The following EIF2B1 variants were observed in gnomAD, a reference collection of about 807,000 sequenced individuals.
EIF2B1 encodes translation initiation factor eIF2B subunit alpha.
A neutral mutation model predicts 36.8 loss-of-function variants in EIF2B1; 30 were observed. That is an observed-to-expected ratio of 0.81 (90% CI 0.61 to 1.10). EIF2B1 has a LOEUF of 1.10. EIF2B1 is among the 50% of genes least tolerant of loss of function. The probability of loss-of-function intolerance (pLI) is 0.00; values close to 1 mark genes in which losing one functional copy is unlikely to be tolerated. For synonymous variants in EIF2B1, 139 were observed against 142.2 expected, an observed-to-expected ratio of 0.98 and a Z score of 0.16; for missense variants, 271 against 374.8, an observed-to-expected ratio of 0.72 and a Z score of 2.29.
chr12:123,623,751 G>A (rs867244679), intron 7 of EIF2B1, among the ~76,000 whole-genome samples: 8 of 152,214 alleles, frequency 5.3e-5, no homozygotes, highest in Middle Eastern at 3.4e-3. Context: ...TGGGATTATA[G>A]GCGTGAGCTA....
chr12:123,626,383 G>C (rs760785053), intron 6 of EIF2B1, 42 bp downstream of exon 6: 1 of 1,612,098 alleles, frequency 6.2e-7, no homozygotes, highest in Non-Finnish European at 8.5e-7. Flanking sequence ...AGCCAGCATG[G>C]GGTGGGGGAG....
At chr12:123,625,328 C>T (rs998855443) in intron 6 of EIF2B1, among the ~76,000 whole-genome samples, 7 of 151,952 alleles carry the variant, frequency 4.6e-5, no homozygotes, top group Non-Finnish European at 7.4e-5. Flanking sequence ...TGATCTCAGC[C>T]CAAACCTCTA....
Position 123,624,873 on chromosome 12 carries a change from A to G in EIF2B1, c.552-11T>C. On this transcript the variant is annotated splice_polypyrimidine_tract_variant and intron_variant, in intron 6 of 8. Transcript: ENST00000424014. ...TTCTCCATGATGTAGCTAAGGGGAAAAAAAGCTTTTCATGCTTTATTTTCT... is the reference window on the plus strand; with the variant it reads ...TTCTCCATGATGTAGCTAAGGGGAAGAAAAGCTTTTCATGCTTTATTTTCT... 1 of 1,613,478 alleles carries G rather than the reference A, an allele frequency of 6.2e-7. No individual in the cohort carries two copies.
intron 4 of EIF2B1, 39 bp from the exon 5 acceptor site, chr12:123,627,195 T>A (rs759473946): frequency 6.5e-7 from 1 of 1,542,736 alleles, no homozygotes; most frequent in Admixed American, 1.7e-5. Flanking sequence ...GGCAGGCTCC[T>A]TGCTGCTCAC....
At chr12:123,631,806 CA>C (rs36090968) in intron 2 of EIF2B1, among the ~76,000 whole-genome samples, 65,279 of 128,166 alleles carry the variant, frequency 0.51, 15,806 homozygotes, top group African/African-American at 0.67. Context: ...GACTCCGTCT[CA>C]AAAAAAAAAA....
At position 123,622,483 on chromosome 12, in the gene EIF2B1, G is replaced by T. The variant is rs1593777281; in HGVS notation, c.753+153C>A. 20 of 1,083,620 alleles carry T rather than the reference G, an allele frequency of 1.8e-5. No homozygotes were observed. In the East Asian group the frequency reaches 5.2e-4, roughly 28 times the overall value. The allele number at this position is 1,083,620 out of a possible 1,614,324, so 67.1% of individuals were successfully genotyped here. A position where few individuals can be genotyped will look rare whatever the true frequency, so the allele number is the denominator to read the frequency against. On this transcript the variant is annotated intron_variant, in intron 8 of 8. Coordinates refer to ENST00000424014, the MANE Select transcript of EIF2B1 (RefSeq NM_001414.4). Reference sequence around the variant, plus strand: ...AAAGACTGAAGTTCTAGGGACAAATGTGTGAGTCCAATCACCAATTTATCT... The same window carrying T: ...AAAGACTGAAGTTCTAGGGACAAATTTGTGAGTCCAATCACCAATTTATCT...
At chr12:123,629,961 C>A in intron 4 of EIF2B1, 2 of 629,618 alleles carry the variant, frequency 3.2e-6, no homozygotes, top group Non-Finnish European at 5.7e-6. Context: ...TTGCCCCTTA[C>A]ATGTCTTGCC....
In EIF2B1 at chr12:123,621,271, T is replaced by C; in HGVS notation, c.*485A>G. ...TTTGGCTTGATCCTGCTGAGGAATG[T>C]GCTTACCACTGGAAGCCAGATGCAG... On this transcript the variant is annotated 3_prime_UTR_variant, in exon 9 of 9. Transcript: ENST00000424014. The C allele has an allele frequency of 4.0e-6, 1 of 249,102 alleles. No homozygotes were observed. Among genetic ancestry groups the C allele is most frequent in the South Asian group, 5.0e-5 (1 of 19,930 alleles). The allele number at this position is 249,102 out of a possible 1,614,324, so 15.4% of individuals were successfully genotyped here.
chr12:123,629,548 C>T (rs978140749), intron 4 of EIF2B1, among the ~76,000 whole-genome samples: 1 of 152,190 alleles, frequency 6.6e-6, no homozygotes, highest in Non-Finnish European at 1.5e-5. Context: ...AATCCCAGCA[C>T]TTTGGGAGGC....
chr12:123,621,984 GGT>G, intron 8 of EIF2B1, 64 bp from the exon 9 acceptor site: 1 of 1,591,840 alleles, frequency 6.3e-7, no homozygotes, highest in Non-Finnish European at 8.6e-7. Flanking sequence ...GTAGGGCCTT[GGT>G]GTGAGTGATC....
intron 7 of EIF2B1, among the ~76,000 whole-genome samples, chr12:123,622,998 T>G (rs1289174689): frequency 1.3e-5 from 2 of 152,114 alleles, no homozygotes; most frequent in Non-Finnish European, 2.9e-5. Context: ...GTATATAATA[T>G]AGATATACAT....
rs68169681 is a variant in EIF2B1 at position 123,620,580 on chromosome 12, TTATATATATATATATATATATA to T, written c.*1154_*1175del. ...GGTCACATATAGACATATGTACATA[TTATATATATATATATATATATA>T]TATATATATATATATATATATATAT... is the stretch of plus-strand genomic sequence containing the variant. On this transcript the variant is annotated 3_prime_UTR_variant, in exon 9 of 9. Transcript: ENST00000424014. 9.3e-4 allele frequency: 61 copies of T among 65,360 alleles called. No individual in the cohort carries two copies. The highest frequency in any genetic ancestry group is 2.8e-3 in the East Asian group (2 of 724). The allele number at this position is 65,360 out of a possible 1,614,324, so 4.0% of individuals were successfully genotyped here.
intron 7 of EIF2B1, among the ~76,000 whole-genome samples, chr12:123,624,295 A>G (rs561072327): frequency 5.0e-5 from 7 of 141,362 alleles, no homozygotes; most frequent in African/African-American, 1.9e-4. Flanking sequence ...GGGTCTCACC[A>G]TCGCCCAGGC....
In EIF2B1 at chr12:123,633,210, T is replaced by A. The variant is rs1348099074; in HGVS notation, c.13+335A>T. Among the ~76,000 whole-genome samples, 17 of 149,510 alleles carry A rather than the reference T, an allele frequency of 1.1e-4. No homozygotes were observed. In the Admixed American group the frequency reaches 1.1e-3, roughly 10 times the overall value. ...TTTCTTTACATGAAAAGTGTATTAG[T>A]TTGCCCTTGTTTTTCACTTAATAAC... On this transcript the variant is annotated intron_variant, in intron 1 of 8. Coordinates refer to ENST00000424014, the MANE Select transcript of EIF2B1 (RefSeq NM_001414.4).
At chr12:123,622,535 G>T in intron 8 of EIF2B1, 101 bp downstream of exon 8, 1 of 1,493,540 alleles carries the variant, frequency 6.7e-7, no homozygotes, top group Non-Finnish European at 9.2e-7. Flanking sequence ...GGGGAAAGTA[G>T]CAATAGGAAG....
In EIF2B1 at chr12:123,630,486, T is replaced by A. The variant is rs745623947; in HGVS notation, c.163A>T (p.Thr55Ser). 6.2e-7 allele frequency: 1 copy of A among 1,613,596 alleles called. No homozygotes were observed. The highest frequency in any genetic ancestry group is 8.5e-7 in the Non-Finnish European group (1 of 1,179,900). ...ACAGAGGAGTCCACACCACACAGGGTTTCTATGGCACTGGTGAGATTCGCC... is the reference window on the plus strand; with the variant it reads ...ACAGAGGAGTCCACACCACACAGGGATTCTATGGCACTGGTGAGATTCGCC... ...LRANLTSAIE[T>S]LCGVDSSVAV... The change falls in exon 3 of 9, where the codon ACC becomes TCC. Residue 55 changes from threonine to serine, a missense_variant. Coordinates refer to ENST00000424014, the MANE Select transcript of EIF2B1 (RefSeq NM_001414.4). The surrounding 1 kb of genome is among the most constrained non-coding windows in gnomAD (Gnocchi z 4.6).
In EIF2B1 at chr12:123,622,757, C is replaced by A. The variant is rs1422049513; in HGVS notation, c.632G>T (p.Gly211Val). The change falls in exon 8 of 9, where the codon GGA becomes GTA. Residue 211 changes from glycine (G) to valine (V), a missense_variant. Gly to Val is a moderately radical substitution (Grantham distance 109, BLOSUM62 -3). Transcript: ENST00000424014. ...GGCACACACAGCCATCTGGTTGGTTCCAATCTGGGAAGGCAGAAAATGGAA... is the reference window on the plus strand; with the variant it reads ...GGCACACACAGCCATCTGGTTGGTTACAATCTGGGAAGGCAGAAAATGGAA... The part of the protein sequence containing the change: ...VENGGIINKI[G>V]TNQMAVCAKA... 2.0e-5 allele frequency: 33 copies of A among 1,613,914 alleles called. No homozygotes were observed. Among genetic ancestry groups the A allele is most frequent in the Non-Finnish European group, 2.6e-5 (31 of 1,179,874 alleles).
intron 1 of EIF2B1, among the ~76,000 whole-genome samples, chr12:123,633,228 T>C (rs1955214880): frequency 6.7e-6 from 1 of 149,034 alleles, no homozygotes; most frequent in Non-Finnish European, 1.5e-5. Context: ...TGTTTTTCAC[T>C]TAATAACCAT....
intron 7 of EIF2B1, among the ~76,000 whole-genome samples, chr12:123,623,343 G>A (rs950708342): frequency 2.6e-5 from 4 of 152,064 alleles, no homozygotes; most frequent in Non-Finnish European, 2.9e-5. Flanking sequence ...CCAAGACTGT[G>A]CCATTGCACT....
Sources: gnomAD v4.1 joint callset for allele counts (sites outside exome capture counted in the v4.1 genomes callset) on GRCh38, gnomAD v4.1.1 for gene constraint, Gnocchi (gnomAD v3.1) non-coding constraint, MANE v1.5 for transcripts, NCBI Gene and HGNC (gene_info 2026-07-23, HGNC 2026-07-21) for gene names.